The following TLL1 variants were observed in gnomAD, a reference collection of about 807,000 sequenced individuals.
TLL1 encodes the protein tolloid-like protein 1.
TLL1 carries 49 observed loss-of-function variants against 128.2 expected under a neutral mutation model. The observed-to-expected ratio is 0.38, with a 90% confidence interval of 0.30 to 0.48. The LOEUF (loss-of-function observed/expected upper bound fraction) is 0.48. Among genes scored for constraint, TLL1 ranks in the 20% least tolerant of loss-of-function variants. The probability of loss-of-function intolerance (pLI) is 0.96; values close to 1 mark genes in which losing one functional copy is unlikely to be tolerated. For missense variants in TLL1, 1,123 were observed against 1,242.0 expected (o/e 0.90, Z 1.44); for synonymous variants, 454 against 418.8 (o/e 1.08, Z -1.03).
intron 1 of TLL1, among the ~76,000 whole-genome samples, chr4:165,896,219 G>A (rs1354495866): frequency 6.6e-6 from 1 of 152,120 alleles, no homozygotes; most frequent in Admixed American, 6.6e-5. Flanking sequence ...TCCTGAGAAT[G>A]ATGGTTTCCA....
At chr4:165,874,700 G>A (rs1730645546) in intron 1 of TLL1, among the ~76,000 whole-genome samples, 1 of 152,234 alleles carries the variant, frequency 6.6e-6, no homozygotes, top group African/African-American at 2.4e-5. Flanking sequence ...TTTTTAAGTT[G>A]CTACCCCATT....
chr4:165,970,949 G>A (rs886628229), intron 1 of TLL1, among the ~76,000 whole-genome samples: 2 of 152,152 alleles, frequency 1.3e-5, no homozygotes, highest in Non-Finnish European at 2.9e-5. Context: ...ATTCACACAG[G>A]TGGCTGGCAC....
At chr4:166,044,282 A>G in intron 12 of TLL1, 13 of 1,192,570 alleles carry the variant, frequency 1.1e-5, no homozygotes, top group Non-Finnish European at 1.4e-5. Flanking sequence ...GAGCCCTACT[A>G]CCCAGTGGGT....
chr4:165,890,799 A>G (rs1219181906), intron 1 of TLL1, among the ~76,000 whole-genome samples: 1 of 151,564 alleles, frequency 6.6e-6, no homozygotes, highest in African/African-American at 2.4e-5. Flanking sequence ...GGGTCTGGGG[A>G]CTCTCTTCTC....
chr4:166,036,203 C>T (rs1738991087), intron 9 of TLL1, among the ~76,000 whole-genome samples: 1 of 152,128 alleles, frequency 6.6e-6, no homozygotes, highest in Non-Finnish European at 1.5e-5. Flanking sequence ...GACTCACAGA[C>T]ACCCAGTCCC....
At chr4:165,959,861 T>C (rs1001593834) in intron 1 of TLL1, among the ~76,000 whole-genome samples, 5 of 152,182 alleles carry the variant, frequency 3.3e-5, no homozygotes, top group African/African-American at 7.2e-5. Context: ...GGAAAGCTTA[T>C]AGTACTAAAC....
chr4:165,942,165 CATT>C lies in TLL1; in HGVS notation c.170-47213_170-47211del, dbSNP rs577600760. Among the ~76,000 whole-genome samples the C allele has an allele frequency of 4.6e-3, 697 of 152,142 alleles. 3 individuals are homozygous for C. Among genetic ancestry groups the C allele is most frequent in the Non-Finnish European group, 7.5e-3 (512 of 67,964 alleles). On this transcript the variant is annotated intron_variant, in intron 1 of 20. Transcript: ENST00000061240. Reference sequence around the variant, plus strand: ...TTTTTTGGCCATTTCTCTCCACAAACATTATGCTCCCAACAACATTGGCATTTG... The same window carrying C: ...TTTTTTGGCCATTTCTCTCCACAAACATGCTCCCAACAACATTGGCATTTG...
chr4:165,955,318 T>G (rs1298965443), intron 1 of TLL1, among the ~76,000 whole-genome samples: 1 of 152,084 alleles, frequency 6.6e-6, no homozygotes, highest in Non-Finnish European at 1.5e-5. Context: ...GTGTGACTTA[T>G]TGGCATTCCT....
chr4:166,051,592 T>C (rs914344492), intron 12 of TLL1, among the ~76,000 whole-genome samples: 2 of 152,150 alleles, frequency 1.3e-5, no homozygotes, highest in Non-Finnish European at 2.9e-5. Context: ...TTGTTATCAC[T>C]CGTGTTGATG....
intron 1 of TLL1, among the ~76,000 whole-genome samples, chr4:165,918,481 G>A (rs1732883206): frequency 6.6e-6 from 1 of 152,118 alleles, no homozygotes; most frequent in Non-Finnish European, 1.5e-5. Flanking sequence ...TAGAATCTCT[G>A]TGAGGGGTCC....
chr4:166,099,277 A>T lies in TLL1; in HGVS notation c.2657A>T (p.Glu886Val). 6.2e-7 allele frequency: 1 copy of T among 1,613,502 alleles called. No individual in the cohort carries two copies. The change falls in exon 20 of 21, where the codon GAG becomes GTG. Residue 886 changes from glutamate to valine, a missense_variant and splice_region_variant. Physicochemically the swap from Glu to Val is moderately radical, Grantham distance 121. Coordinates refer to ENST00000061240, the MANE Select transcript of TLL1 (RefSeq NM_012464.5). Reference protein sequence around the residue: ...RKGFQATHSTECGGRLKAESK... With the variant: ...RKGFQATHSTVCGGRLKAESK... The stretch of plus-strand genomic sequence containing the variant: ...CATCTTATTTTTCTTTCCTGGGCAG[A>T]GTGTGGCGGACGATTGAAAGCAGAA...
At chr4:165,974,131 A>ATTTTTTTTTTT (rs1735759298) in intron 1 of TLL1, among the ~76,000 whole-genome samples, 1 of 53,878 alleles carries the variant, frequency 1.9e-5, no homozygotes, top group African/African-American at 8.0e-5. Context: ...CCTGGACCTC[A>ATTTTTTTTTTT]TCTTTTTTTT....
rs756660961 is a variant in TLL1, at chr4:166,101,408, T to A, written c.*532T>A. Reference sequence around the variant, plus strand: ...TGTACTTTCCATGTGTATGTGTGTGTCTGGTGTTTGGAAACTGGGATATTT... The same window carrying A: ...TGTACTTTCCATGTGTATGTGTGTGACTGGTGTTTGGAAACTGGGATATTT... On this transcript the variant is annotated 3_prime_UTR_variant, in exon 21 of 21. Transcript: ENST00000061240. The A allele has an allele frequency of 1.9e-5, 3 of 157,138 alleles. No individual in the cohort carries two copies. The highest frequency in any genetic ancestry group is 4.8e-5 in the African/African-American group (2 of 41,464). The allele number at this position is 157,138 out of a possible 1,614,324, so 9.7% of individuals were successfully genotyped here. A position where few individuals can be genotyped will look rare whatever the true frequency, so the allele number is the denominator to read the frequency against.
chr4:166,085,419 A>T (rs1374049296), intron 18 of TLL1, among the ~76,000 whole-genome samples: 1 of 151,568 alleles, frequency 6.6e-6, no homozygotes, highest in Non-Finnish European at 1.5e-5. Context: ...TGAGTTTGTC[A>T]TACATAGTCT....
At position 165,949,874 on chromosome 4, in the gene TLL1, G is replaced by A. The variant is rs72972253; in HGVS notation, c.170-39507G>A. Among the ~76,000 whole-genome samples the A allele has an allele frequency of 8.2e-4, 125 of 151,874 alleles. 1 individual carries two copies. Among genetic ancestry groups the A allele is most frequent in the Middle Eastern group, 3.4e-3 (1 of 294 alleles). On this transcript the variant is annotated intron_variant, in intron 1 of 20. Coordinates refer to ENST00000061240, the MANE Select transcript of TLL1 (RefSeq NM_012464.5). ...AGCCAAATTATATCAACAACAAAAC[G>A]TAAACGACAAGTAGAAAAATAATAA...
intron 1 of TLL1, among the ~76,000 whole-genome samples, chr4:165,965,985 C>G (rs933116142): frequency 6.6e-6 from 1 of 151,972 alleles, no homozygotes; most frequent in Non-Finnish European, 1.5e-5. Flanking sequence ...TCAAGACCAG[C>G]GTGGCCAAGA....
At chr4:165,939,668 C>G (rs545543051) in intron 1 of TLL1, among the ~76,000 whole-genome samples, 1 of 152,008 alleles carries the variant, frequency 6.6e-6, no homozygotes, top group African/African-American at 2.4e-5. Context: ...CATTCTTCAC[C>G]TCTGCTGGGC....
intron 15 of TLL1, 85 bp downstream of exon 15, chr4:166,060,273 T>A: frequency 7.6e-7 from 1 of 1,315,938 alleles, no homozygotes; most frequent in Non-Finnish European, 1.1e-6. Context: ...AAAAAAGATG[T>A]AGTAAAATAG....
chr4:166,055,900 T>A (rs535498480), intron 13 of TLL1, among the ~76,000 whole-genome samples: 2 of 152,264 alleles, frequency 1.3e-5, no homozygotes, highest in East Asian at 3.9e-4. Context: ...ATGTTGTGTG[T>A]CATTATAGAA....
Sources: gnomAD v4.1 joint callset for allele counts (sites outside exome capture counted in the v4.1 genomes callset) on GRCh38, gnomAD v4.1.1 for gene constraint, MANE v1.5 for transcripts, NCBI Gene and HGNC (gene_info 2026-07-23, HGNC 2026-07-21) for gene names.